The following KLK1 variants were observed in gnomAD, a reference collection of about 807,000 sequenced individuals.
KLK1 encodes kallikrein-1.
In KLK1, 22 loss-of-function variants were observed where a neutral mutation model predicts 23.3. That is an observed-to-expected ratio of 0.95 (90% CI 0.68 to 1.35). The LOEUF (loss-of-function observed/expected upper bound fraction) is 1.35. Ranked by LOEUF, KLK1 falls within the 40% of genes most tolerant of loss-of-function variation. The pLI is 0.00. For synonymous variants in KLK1, 140 were observed against 135.8 expected (o/e 1.03, Z -0.21); for missense variants, 301 against 338.9 (o/e 0.89, Z 0.88).
chr19:50,821,219 G>A lies in KLK1; in HGVS notation c.206+493C>T, dbSNP rs1351045161. ...GGATATCCTGTGGGGCGGGGAGCTG[G>A]ACAGAGGGAGAGGCGCCCCCTCCCA... On this transcript the variant is annotated intron_variant, in intron 2 of 4. Transcript: ENST00000301420. The surrounding 1 kb of genome is among the most constrained non-coding windows in gnomAD (Gnocchi z 5.6). Among the ~76,000 whole-genome samples, 1 of 152,212 alleles carries A rather than the reference G, an allele frequency of 6.6e-6. No homozygotes were observed. The highest frequency in any genetic ancestry group is 1.5e-5 in the Non-Finnish European group (1 of 68,032).
rs760108802 is a variant in KLK1 at position 50,821,863 on chromosome 19, G to A, written c.55C>T (p.Pro19Ser). 2 of 1,609,432 alleles carry A rather than the reference G, an allele frequency of 1.2e-6. No individual in the cohort carries two copies. The highest frequency in any genetic ancestry group is 1.7e-6 in the Non-Finnish European group (2 of 1,177,286). ...CCCACAATCCGGGACTGAATCGGGG[G>A]CGCAGCACCTGCAGAGGCGGTGCTG... ...ALSLGGTGAA[P>S]PIQSRIVGGW... is the part of the protein sequence containing the mutation. Residue 19 changes from proline (P) to serine (S), a missense_variant, in exon 2 of 5, where the codon CCC becomes TCC. Pro to Ser is a moderately conservative substitution (Grantham distance 74, BLOSUM62 -1). Coordinates refer to ENST00000301420, the MANE Select transcript of KLK1 (RefSeq NM_002257.4). The surrounding 1 kb of genome is among the most constrained non-coding windows in gnomAD (Gnocchi z 5.6).
rs186449465 is a variant in KLK1, at chr19:50,822,343, G to A, written c.47-472C>T. ...AGGCTAGGGAAACAGGACCTGGGTT[G>A]GGCTTTTGAGGTTCAGGAAAGGATG... On this transcript the variant is annotated intron_variant, in intron 1 of 4. Coordinates refer to ENST00000301420, the MANE Select transcript of KLK1 (RefSeq NM_002257.4). The A allele has an allele frequency of 1.8e-4, 174 of 988,570 alleles. No individual in the cohort carries two copies. The African/African-American group carries it at 2.8e-3, about 16-fold the overall frequency. The allele number at this position is 988,570 out of a possible 1,614,324, so 61.2% of individuals were successfully genotyped here.
Position 50,820,171 on chromosome 19 carries a change from C to T in KLK1, c.479G>A (p.Ser160Asn). Residue 160 changes from serine (S) to asparagine (N), a missense_variant, in exon 3 of 5, where the codon AGC becomes AAC. By Grantham distance (46) the Ser-to-Asn change is conservative. Transcript: ENST00000301420. ...GSTCLASGWGSIEPENFSFPD... is the reference protein window; with the variant it reads ...GSTCLASGWGNIEPENFSFPD... The stretch of plus-strand genomic sequence containing the variant: ...CCACATACAATTCTCTGGTTCGATG[C>T]TGCCCCAGCCGGAAGCCAAACAGGT... 1.3e-5 allele frequency: 21 copies of T among 1,602,890 alleles called. No individual in the cohort carries two copies. Among genetic ancestry groups the T allele is most frequent in the Non-Finnish European group, 1.8e-5 (21 of 1,172,480 alleles).
In KLK1 at chr19:50,823,686, T is replaced by A; in HGVS notation, c.46+17A>T. On this transcript the variant is annotated intron_variant, in intron 1 of 4. Coordinates refer to ENST00000301420, the MANE Select transcript of KLK1 (RefSeq NM_002257.4). ...ATCAGGGCCCGTTCCCCCTCCCACATCCCCCCACTGTCTCACCAGTCCCCC... is the reference window on the plus strand; with the variant it reads ...ATCAGGGCCCGTTCCCCCTCCCACAACCCCCCACTGTCTCACCAGTCCCCC... The A allele has an allele frequency of 7.3e-6, 11 of 1,506,456 alleles. No homozygotes were observed. The highest frequency in any genetic ancestry group is 1.2e-5 in the South Asian group (1 of 86,794). The allele number at this position is 1,506,456 out of a possible 1,614,324, so 93.3% of individuals were successfully genotyped here.
rs1025926483 is a variant in KLK1, at chr19:50,821,241, C to T, written c.206+471G>A. Among the ~76,000 whole-genome samples the T allele has an allele frequency of 2.6e-5, 4 of 152,226 alleles. No individual in the cohort carries two copies. Among genetic ancestry groups the T allele is most frequent in the Admixed American group, 6.5e-5 (1 of 15,286 alleles). On this transcript the variant is annotated intron_variant, in intron 2 of 4. Transcript: ENST00000301420. The surrounding 1 kb of genome is among the most constrained non-coding windows in gnomAD (Gnocchi z 5.6). Reference sequence around the variant, plus strand: ...CTGGACAGAGGGAGAGGCGCCCCCTCCCAGGCACACAAGTTGGGGATAAAG... The same window carrying T: ...CTGGACAGAGGGAGAGGCGCCCCCTTCCAGGCACACAAGTTGGGGATAAAG...
chr19:50,823,633 CG>C lies in KLK1; in HGVS notation c.46+69del, dbSNP rs368480109. On this transcript the variant is annotated intron_variant, in intron 1 of 4. Transcript: ENST00000301420. ...GGGGTGTTGGAGGGGAAGGTCTTAT[CG>C]GGGGGGGATGTGAGGCCAGCAAGAG... 3,216 of 997,782 alleles carry C rather than the reference CG, an allele frequency of 3.2e-3. 52 individuals carry two copies. The African/African-American group carries it at 0.044, about 14-fold the overall frequency. 61.8% of individuals were successfully genotyped at this position (997,782 alleles called of 1,614,324 possible).
chr19:50,820,275 G>A lies in KLK1; in HGVS notation c.375C>T (p.Arg125=). The A allele has an allele frequency of 6.2e-7, 1 of 1,614,090 alleles. No individual in the cohort carries two copies. Among genetic ancestry groups the A allele is most frequent in the Non-Finnish European group, 8.5e-7 (1 of 1,180,038 alleles). The change falls in exon 3 of 5, where the codon CGC becomes CGT. Residue 125 remains arginine (R), a synonymous_variant. Coordinates refer to ENST00000301420, the MANE Select transcript of KLK1 (RefSeq NM_002257.4). ...EDYSHDLMLL[R]LTEPADTITD... ...TGATGGTATCAGCAGGCTCTGTCAG[G>A]CGGAGCAGCATGAGGTCGTGGCTGT...
At position 50,823,713 on chromosome 19, in the gene KLK1, C is replaced by T. The variant is rs746273164; in HGVS notation, c.36G>A (p.Leu12=). 2 of 1,608,414 alleles carry T rather than the reference C, an allele frequency of 1.2e-6. No individual in the cohort carries two copies. The highest frequency in any genetic ancestry group is 2.2e-5 in the East Asian group (1 of 44,792). ...WFLVLCLALS[L]GGTGAAPPIQ... is the part of the protein sequence containing the mutation. Reference sequence around the variant, plus strand: ...CCCCCACTGTCTCACCAGTCCCCCCCAGGGACAGGGCGAGGCACAGAACCA... The same window carrying T: ...CCCCCACTGTCTCACCAGTCCCCCCTAGGGACAGGGCGAGGCACAGAACCA... The change falls in exon 1 of 5, where the codon CTG becomes CTA. Residue 12 remains leucine (L), a synonymous_variant. Coordinates refer to ENST00000301420, the MANE Select transcript of KLK1 (RefSeq NM_002257.4).
intron 1 of KLK1, chr19:50,822,196 G>C: frequency 9.3e-7 from 1 of 1,070,472 alleles, no homozygotes; most frequent in Non-Finnish European, 1.1e-6. Context: ...CTGGGGCTGG[G>C]GGATGGGAGG....
Position 50,823,785 on chromosome 19 carries a change from A to G in KLK1, c.-37T>C. ...TGTCCAGGGGCCAGCAGGTGGAGGA[A>G]CTGGGGAACCTCCCTGGGGAGGCTT... On this transcript the variant is annotated 5_prime_UTR_variant, in exon 1 of 5. Coordinates refer to ENST00000301420, the MANE Select transcript of KLK1 (RefSeq NM_002257.4). 6.3e-7 allele frequency: 1 copy of G among 1,586,244 alleles called. No individual in the cohort carries two copies. Among genetic ancestry groups the G allele is most frequent in the Non-Finnish European group, 8.6e-7 (1 of 1,157,012 alleles).
At position 50,821,719 on chromosome 19, in the gene KLK1, T is replaced by C; in HGVS notation, c.199A>G (p.Ile67Val). The stretch of plus-strand genomic sequence containing the variant: ...CCCCAGGCCCCTACTCACTCGCTGA[T>C]GCAATGAGCAGCTGTGAGCACCCAC... ...RQWVLTAAHC[I>V]SDNYQLWLGR... is the part of the protein sequence containing the mutation. Residue 67 changes from isoleucine to valine, a missense_variant, in exon 2 of 5, where the codon ATC becomes GTC. Physicochemically the swap from Ile to Val is conservative, Grantham distance 29. Transcript: ENST00000301420. This position sits in a 1 kb window ranked among gnomAD's most constrained non-coding sequence, Gnocchi z 5.6. 1.2e-6 allele frequency: 2 copies of C among 1,609,570 alleles called. No homozygotes were observed. The highest frequency in any genetic ancestry group is 8.5e-7 in the Non-Finnish European group (1 of 1,177,470).
chr19:50,820,220 T>C lies in KLK1; in HGVS notation c.430A>G (p.Thr144Ala). 6.2e-7 allele frequency: 1 copy of C among 1,612,376 alleles called. No homozygotes were observed. The highest frequency in any genetic ancestry group is 8.5e-7 in the Non-Finnish European group (1 of 1,178,622). Residue 144 changes from threonine (T) to alanine (A), a missense_variant, in exon 3 of 5, where the codon ACC becomes GCC. Coordinates refer to ENST00000301420, the MANE Select transcript of KLK1 (RefSeq NM_002257.4). ...TDAVKVVELP[T>A]EEPEVGSTCL... Reference sequence around the variant, plus strand: ...GTGCTCCCCACTTCGGGTTCCTCGGTGGGCAACTCCACGACCTTCACAGCA... The same window carrying C: ...GTGCTCCCCACTTCGGGTTCCTCGGCGGGCAACTCCACGACCTTCACAGCA...
rs1555763978 is a variant in KLK1 at position 50,823,702 on chromosome 19, C to A, written c.46+1G>T. 8 of 1,602,584 alleles carry A rather than the reference C, an allele frequency of 5.0e-6. No individual in the cohort carries two copies. The highest frequency in any genetic ancestry group is 6.8e-6 in the Non-Finnish European group (8 of 1,170,632). ...CCTCCCACATCCCCCCACTGTCTCA[C>A]CAGTCCCCCCCAGGGACAGGGCGAG... is the stretch of plus-strand genomic sequence containing the variant. On this transcript the variant is annotated splice_donor_variant, in intron 1 of 4. Transcript: ENST00000301420. LOFTEE classifies it high-confidence loss of function.
intron 1 of KLK1, among the ~76,000 whole-genome samples, chr19:50,823,180 TG>T (rs2089838551): frequency 6.6e-6 from 1 of 152,020 alleles, no homozygotes; most frequent in South Asian, 2.1e-4. Context: ...CTGGAAGGAC[TG>T]GGGAGACCAG....
chr19:50,822,951 A>G (rs2089837074), intron 1 of KLK1: 16 of 983,488 alleles, frequency 1.6e-5, no homozygotes, highest in Non-Finnish European at 1.9e-5. Flanking sequence ...AGAAAACCAG[A>G]GCTGTGTAGG....
rs762014951 is a variant in KLK1, at chr19:50,823,670, C to G, written c.46+33G>C. On this transcript the variant is annotated intron_variant, in intron 1 of 4. Transcript: ENST00000301420. ...TGAGGCCAGCAAGAGAATCAGGGCC[C>G]GTTCCCCCTCCCACATCCCCCCACT... The G allele has an allele frequency of 1.6e-5, 24 of 1,462,326 alleles. No individual in the cohort carries two copies. The South Asian group carries it at 2.2e-4, about 14-fold the overall frequency. 90.6% of individuals were successfully genotyped at this position (1,462,326 alleles called of 1,614,324 possible).
Position 50,821,213 on chromosome 19 carries a change from G to A in KLK1, c.206+499C>T, listed in dbSNP as rs1217886793. 1.3e-5 allele frequency among the ~76,000 whole-genome samples: 2 copies of A among 152,200 alleles called. No individual in the cohort carries two copies. Among genetic ancestry groups the A allele is most frequent in the African/African-American group, 4.8e-5 (2 of 41,458 alleles). ...GTGGAGGGATATCCTGTGGGGCGGGGAGCTGGACAGAGGGAGAGGCGCCCC... is the reference window on the plus strand; with the variant it reads ...GTGGAGGGATATCCTGTGGGGCGGGAAGCTGGACAGAGGGAGAGGCGCCCC... On this transcript the variant is annotated intron_variant, in intron 2 of 4. Transcript: ENST00000301420. The surrounding 1 kb of genome is among the most constrained non-coding windows in gnomAD (Gnocchi z 5.6).
intron 1 of KLK1, 28 bp downstream of exon 1, chr19:50,823,675 C>A: frequency 6.7e-7 from 1 of 1,502,322 alleles, no homozygotes; most frequent in Non-Finnish European, 9.2e-7. Flanking sequence ...GGGCCCGTTC[C>A]CCCTCCCACA....
chr19:50,821,768 A>G lies in KLK1; in HGVS notation c.150T>C (p.Cys50=), dbSNP rs770831703. Residue 50 remains cysteine (C), a synonymous_variant, in exon 2 of 5, where the codon TGT becomes TGC. Transcript: ENST00000301420. The surrounding 1 kb of genome is among the most constrained non-coding windows in gnomAD (Gnocchi z 5.6). ...ACTGGCGGTGCACCAGGATGCCCCC[A>G]CACTGGAAAGTGCTGAAATGGTACA... ...AALYHFSTFQ[C]GGILVHRQWV... is the part of the protein sequence containing the mutation. The G allele has an allele frequency of 6.2e-7, 1 of 1,613,910 alleles. No homozygotes were observed. Among genetic ancestry groups the G allele is most frequent in the Admixed American group, 1.7e-5 (1 of 60,018 alleles).
Sources: gnomAD v4.1 joint callset for allele counts (sites outside exome capture counted in the v4.1 genomes callset) on GRCh38, gnomAD v4.1.1 for gene constraint, Gnocchi (gnomAD v3.1) non-coding constraint, MANE v1.5 for transcripts, NCBI Gene and HGNC (gene_info 2026-07-23, HGNC 2026-07-21) for gene names.